Variants in TNMD observed in about 807,000 individuals in gnomAD.
The protein encoded by TNMD is tenomodulin, also known as BRICHOS domain containing 4.
In TNMD, 15 loss-of-function variants were observed where a neutral mutation model predicts 26.9. The ratio of observed to expected loss-of-function variants is 0.56; its 90% CI spans 0.37 to 0.86. The LOEUF is 0.86. Among genes scored for constraint, TNMD ranks in the 40% least tolerant of loss-of-function variants. The pLI, the probability that TNMD is intolerant of heterozygous loss-of-function variation, is 0.00. For synonymous variants in TNMD, 73 were observed against 77.0 expected, an observed-to-expected ratio of 0.95 and a Z score of 0.27; for missense variants, 222 against 242.6, an observed-to-expected ratio of 0.92 and a Z score of 0.56.
rs890963920 is a variant in TNMD, at chrX:100,585,332, C to A, written c.150C>A (p.Ser50Arg). The A allele has an allele frequency of 2.5e-6, 3 of 1,210,885 alleles. No homozygotes were observed. In the East Asian group the frequency reaches 8.9e-5, roughly 36 times the overall value. ...ALTLIVLFWG[S>R]KHFWPEVPKK... ...CTCTAATTGTCCTGTTTTGGGGGAG[C>A]AAGCACTTCTGGCCGGAGGTACCCA... Residue 50 changes from serine (S) to arginine (R), a missense_variant, in exon 2 of 7, where the codon AGC becomes AGA. By Grantham distance (110) the Ser-to-Arg change is moderately radical (BLOSUM62 -1). Coordinates refer to ENST00000373031, the MANE Select transcript of TNMD (RefSeq NM_022144.3).
chrX:100,599,055 T>G lies in TNMD; in HGVS notation c.617T>G (p.Leu206Arg). ...LQDFEEEGED[L>R]HFPANEKKGI... ...GACTTTGAGGAGGAGGGAGAAGATC[T>G]TCACTTTCCTGCCAACGAAAAAAAA... Residue 206 changes from leucine to arginine, a missense_variant, in exon 6 of 7, where the codon CTT becomes CGT. Transcript: ENST00000373031. 1 of 1,207,202 alleles carries G rather than the reference T, an allele frequency of 8.3e-7. No individual in the cohort carries two copies. Among genetic ancestry groups the G allele is most frequent in the South Asian group, 1.8e-5 (1 of 55,806 alleles).
At chrX:100,590,486 A>C (rs1289747091) in intron 2 of TNMD, among the ~76,000 whole-genome samples, 1 of 112,264 alleles carries the variant, frequency 8.9e-6, no homozygotes, top group Non-Finnish European at 1.9e-5. Flanking sequence ...AAAACAAGGA[A>C]AACTGTGAAA....
At chrX:100,595,530 C>T (rs2082950451) in intron 4 of TNMD, among the ~76,000 whole-genome samples, 1 of 110,433 alleles carries the variant, frequency 9.1e-6, no homozygotes, top group African/African-American at 3.3e-5. Context: ...CATCTTGATT[C>T]TCACCAACCC....
chrX:100,587,079 T>C (rs977566349), intron 2 of TNMD, among the ~76,000 whole-genome samples: 5 of 112,390 alleles, frequency 4.4e-5, no homozygotes, highest in African/African-American at 1.6e-4. Flanking sequence ...CCTTTCTTGT[T>C]TTATTGTTGT....
In TNMD at chrX:100,594,035, C is replaced by T. The variant is rs762108249; in HGVS notation, c.321C>T (p.Asn107=). 4 of 1,207,577 alleles carry T rather than the reference C, an allele frequency of 3.3e-6. No individual in the cohort carries two copies. The highest frequency in any genetic ancestry group is 4.5e-6 in the Non-Finnish European group (4 of 893,259). ...CATTGGAAGTGCACGACTTTAAAAA[C>T]GTAAGTTGGATGTTTTCCTCCTAAG... is the stretch of plus-strand genomic sequence containing the variant. The part of the protein sequence containing the change: ...DETLEVHDFK[N]GYTGIYFVGL... The change falls in exon 3 of 7, where the codon AAC becomes AAT. Residue 107 remains asparagine, a splice_region_variant and synonymous_variant. Transcript: ENST00000373031.
intron 2 of TNMD, among the ~76,000 whole-genome samples, chrX:100,586,383 A>G (rs2082922011): frequency 9.0e-6 from 1 of 111,673 alleles, no homozygotes; most frequent in African/African-American, 3.3e-5. Flanking sequence ...GATACAAGAA[A>G]ATGGGTTGGC....
chrX:100,594,309 A>C lies in TNMD; in HGVS notation c.370A>C (p.Thr124Pro), dbSNP rs141418784. 904 of 1,199,210 alleles carry C rather than the reference A, an allele frequency of 7.5e-4. 12 individuals are homozygous for C. The East Asian group carries it at 0.026, about 35-fold the overall frequency. Residue 124 changes from threonine to proline, a missense_variant, in exon 4 of 7, where the codon ACT becomes CCT. By Grantham distance (38) the Thr-to-Pro change is conservative (BLOSUM62 -1). Coordinates refer to ENST00000373031, the MANE Select transcript of TNMD (RefSeq NM_022144.3). The stretch of plus-strand genomic sequence containing the variant: ...GGGTCTTCAAAAATGTTTTATCAAA[A>C]CTCAGATTAAAGTGATTCCTGAATT... ...FVGLQKCFIK[T>P]QIKVIPEFSE...
intron 4 of TNMD, among the ~76,000 whole-genome samples, chrX:100,595,981 A>G (rs1003878744): frequency 8.9e-6 from 1 of 112,617 alleles, no homozygotes; most frequent in African/African-American, 3.2e-5. Flanking sequence ...TAGGCCACTC[A>G]GCAATGAGAA....
chrX:100,593,609 C>A, intron 2 of TNMD: 1 of 195,253 alleles, frequency 5.1e-6, no homozygotes, highest in Non-Finnish European at 8.9e-6. Context: ...TTACTTAGCA[C>A]TTGGAAAGGG....
Position 100,599,502 on chromosome X carries a change from T to C in TNMD, c.745-6T>C. 1 of 1,202,104 alleles carries C rather than the reference T, an allele frequency of 8.3e-7. No homozygotes were observed. Among genetic ancestry groups the C allele is most frequent in the Non-Finnish European group, 1.1e-6 (1 of 889,475 alleles). On this transcript the variant is annotated splice_polypyrimidine_tract_variant and splice_region_variant and intron_variant, in intron 6 of 6. Coordinates refer to ENST00000373031, the MANE Select transcript of TNMD (RefSeq NM_022144.3). ...CACCCCCAACACTGGCTTCTTCTTC[T>C]TTCAGACTGAAAATGGAATAGAATT...
At chrX:100,593,511 C>A in intron 2 of TNMD, 1 of 356,952 alleles carries the variant, frequency 2.8e-6, no homozygotes, top group Non-Finnish European at 3.6e-6. Context: ...ACAAAAAACA[C>A]TTAACCATTT....
chrX:100,592,364 A>G (rs2147607535), intron 2 of TNMD, among the ~76,000 whole-genome samples: 1 of 112,545 alleles, frequency 8.9e-6, no homozygotes, highest in South Asian at 3.7e-4. Flanking sequence ...GCTACCTATC[A>G]CAAACCAGGC....
intron 2 of TNMD, among the ~76,000 whole-genome samples, chrX:100,588,402 C>T (rs1173409979): frequency 1.8e-5 from 2 of 111,371 alleles, no homozygotes; most frequent in African/African-American, 6.5e-5. Context: ...CATTTTCTTA[C>T]AGGTCCCAGG....
chrX:100,585,587 T>A (rs764554566), intron 2 of TNMD, among the ~76,000 whole-genome samples: 6 of 111,676 alleles, frequency 5.4e-5, no homozygotes, highest in Admixed American at 9.5e-5. Flanking sequence ...AATGATAGGG[T>A]GTAGAATTAC....
intron 2 of TNMD, among the ~76,000 whole-genome samples, chrX:100,593,006 T>C (rs1314675343): frequency 8.9e-6 from 1 of 112,353 alleles, no homozygotes; most frequent in Non-Finnish European, 1.9e-5. Flanking sequence ...CTTATTTGCT[T>C]CTACCTATAA....
At chrX:100,598,642 G>C (rs778940010) in intron 5 of TNMD, among the ~76,000 whole-genome samples, 5 of 112,159 alleles carry the variant, frequency 4.5e-5, no homozygotes, top group Non-Finnish European at 7.5e-5. Flanking sequence ...AGGGAAGTGG[G>C]AGGACAGAGG....
At chrX:100,588,169 C>A (rs1412263825) in intron 2 of TNMD, among the ~76,000 whole-genome samples, 1 of 111,686 alleles carries the variant, frequency 9.0e-6, no homozygotes, top group Admixed American at 9.5e-5. Context: ...CTTCTCCTCA[C>A]TCCCGCTTTG....
Position 100,594,194 on chromosome X carries a change from C to T in TNMD, c.322-67C>T. ...AAATTTTGCTAGTCTGGGACCCCAA[C>T]AGATCATGGAACTTACTAATAGTGG... On this transcript the variant is annotated intron_variant, in intron 3 of 6. Coordinates refer to ENST00000373031, the MANE Select transcript of TNMD (RefSeq NM_022144.3). 3.0e-6 allele frequency: 3 copies of T among 993,436 alleles called. No homozygotes were observed. The Admixed American group carries it at 8.7e-5, about 29-fold the overall frequency. 81.9% of individuals were successfully genotyped at this position (993,436 alleles called of 1,213,427 possible).
At chrX:100,591,152 G>A (rs983932322) in intron 2 of TNMD, among the ~76,000 whole-genome samples, 1 of 111,264 alleles carries the variant, frequency 9.0e-6, no homozygotes, top group African/African-American at 3.3e-5. Context: ...GAAAAGGAAA[G>A]CTAGAAGCAC....
Sources: gnomAD v4.1 joint callset for allele counts (sites outside exome capture counted in the v4.1 genomes callset) on GRCh38, gnomAD v4.1.1 for gene constraint, MANE v1.5 for transcripts, NCBI Gene and HGNC (gene_info 2026-07-23, HGNC 2026-07-21) for gene names.